HDAC7: variants seen among roughly 807,000 people sequenced by gnomAD.
HDAC7 encodes the protein histone deacetylase 7A.
In HDAC7, 26 loss-of-function variants were observed where a neutral mutation model predicts 115.5. The observed-to-expected ratio is 0.23, with a 90% CI of 0.16 to 0.31. The LOEUF is 0.31. HDAC7 is among the 10% of genes least tolerant of loss of function. HDAC7 has a pLI of 1.00. For missense variants in HDAC7, 1,068 were observed against 1,329.0 expected (o/e 0.80, Z 3.05); for synonymous variants, 564 against 550.9 (o/e 1.02, Z -0.33).
chr12:47,814,251 G>C (rs1282884965), intron 1 of HDAC7, among the ~76,000 whole-genome samples: 1 of 152,130 alleles, frequency 6.6e-6, no homozygotes, highest in Non-Finnish European at 1.5e-5. Context: ...CTTGAGCCCT[G>C]TCCTCTCTGG....
Position 47,816,039 on chromosome 12 carries a change from G to A in HDAC7, c.19+3728C>T, listed in dbSNP as rs189436352. Among the ~76,000 whole-genome samples, 220 of 151,858 alleles carry A rather than the reference G, an allele frequency of 1.4e-3. 1 individual carries two copies. The highest frequency in any genetic ancestry group is 4.6e-3 in the Admixed American group (70 of 15,248). The stretch of plus-strand genomic sequence containing the variant: ...CCCGAGTAGCTGGGATTACAGGCGC[G>A]CACGCCACACCTGGCTAATTTTTTG... On this transcript the variant is annotated intron_variant, in intron 1 of 25. Transcript: ENST00000080059.
At chr12:47,783,990 G>A (rs933012531) in intron 25 of HDAC7, 89 bp downstream of exon 25, 20 of 1,600,652 alleles carry the variant, frequency 1.2e-5, no homozygotes, top group Non-Finnish European at 1.7e-5. Flanking sequence ...GAGGGTTGGG[G>A]TGGCTGCATA....
Position 47,797,895 on chromosome 12 carries a change from T to TGTGTGTGTGTGTGTGA in HDAC7, c.461+212_461+213insTCACACACACACACAC, listed in dbSNP as rs35753431. The stretch of plus-strand genomic sequence containing the variant: ...GTGTGTGTGTGTGTGTGTGTGTGTG[T>TGTGTGTGTGTGTGTGA]GAGAAGGGCTCAGGTGGGGTGGGGA... On this transcript the variant is annotated intron_variant, in intron 5 of 25. Coordinates refer to ENST00000080059, the MANE Select transcript of HDAC7 (RefSeq NM_015401.5). This position sits in a 1 kb window ranked among gnomAD's most constrained non-coding sequence, Gnocchi z 5.5. 5.2e-3 allele frequency among the ~76,000 whole-genome samples: 748 copies of TGTGTGTGTGTGTGTGA among 143,374 alleles called. 11 individuals carry two copies. The highest frequency in any genetic ancestry group is 0.016 in the African/African-American group (587 of 36,438). The allele number at this position is 143,374 out of a possible 152,430, so 94.1% of individuals were successfully genotyped here. A position where few individuals can be genotyped will look rare whatever the true frequency, so the allele number is the denominator to read the frequency against.
intron 12 of HDAC7, among the ~76,000 whole-genome samples, chr12:47,794,189 C>T (rs1405503773): frequency 2.0e-5 from 3 of 152,152 alleles, no homozygotes; most frequent in Admixed American, 6.5e-5. Flanking sequence ...ATCCACAAGC[C>T]AAGGAGAGAG....
chr12:47,801,142 G>A (rs753185956), intron 2 of HDAC7, among the ~76,000 whole-genome samples: 3 of 152,146 alleles, frequency 2.0e-5, no homozygotes, highest in African/African-American at 4.8e-5. Flanking sequence ...CCCAGCCAGC[G>A]CCTAGCATCC....
In HDAC7 at chr12:47,797,454, G is replaced by A. The variant is rs1460217412; in HGVS notation, c.507C>T (p.Leu169=). 6.2e-7 allele frequency: 1 copy of A among 1,614,118 alleles called. No individual in the cohort carries two copies. Among genetic ancestry groups the A allele is most frequent in the South Asian group, 1.1e-5 (1 of 91,082 alleles). Residue 169 remains leucine, a synonymous_variant, in exon 6 of 26, where the codon CTC becomes CTT. Transcript: ENST00000080059. The surrounding 1 kb of genome is among the most constrained non-coding windows in gnomAD (Gnocchi z 5.5). ...TGGGAACAGGAGGCAAAAAGCTGCTGAGCATGGAGCGGGTGGCTCCTTCCG... is the reference window on the plus strand; with the variant it reads ...TGGGAACAGGAGGCAAAAAGCTGCTAAGCATGGAGCGGGTGGCTCCTTCCG... The part of the protein sequence containing the change: ...LETEGATRSM[L]SSFLPPVPSL...
rs549582422 is a variant in HDAC7 at position 47,792,081 on chromosome 12, C to T, written c.1679-77G>A. 12 of 1,480,770 alleles carry T rather than the reference C, an allele frequency of 8.1e-6. No homozygotes were observed. The East Asian group carries it at 2.9e-4, about 36-fold the overall frequency. The allele number at this position is 1,480,770 out of a possible 1,614,324, so 91.7% of individuals were successfully genotyped here. The stretch of plus-strand genomic sequence containing the variant: ...GCCTTGGCTGCAGAGAACACGCCAG[C>T]ACCGCCACAGCAGGCACCCACATGG... On this transcript the variant is annotated intron_variant, in intron 13 of 25. Coordinates refer to ENST00000080059, the MANE Select transcript of HDAC7 (RefSeq NM_015401.5).
At chr12:47,814,193 G>A (rs943985258) in intron 1 of HDAC7, among the ~76,000 whole-genome samples, 2 of 152,180 alleles carry the variant, frequency 1.3e-5, no homozygotes, top group African/African-American at 4.8e-5. Flanking sequence ...GGGCCATCTG[G>A]GCTCAGGTTT....
chr12:47,802,560 C>A, intron 1 of HDAC7: 1 of 1,275,064 alleles, frequency 7.8e-7, no homozygotes, highest in South Asian at 1.3e-5. Flanking sequence ...CTCAGCTCAC[C>A]CAGCAGTGCC....
chr12:47,791,789 A>AT, intron 14 of HDAC7, 82 bp downstream of exon 14: 1 of 1,563,498 alleles, frequency 6.4e-7, no homozygotes, highest in Admixed American at 1.8e-5. Context: ...CTCATCTCTC[A>AT]TGGGCCCCAG....
At position 47,791,668 on chromosome 12, in the gene HDAC7, C is replaced by A. The variant is rs546976196; in HGVS notation, c.1851G>T (p.Gln617His). The A allele has an allele frequency of 1.5e-5, 25 of 1,613,764 alleles. No individual in the cohort carries two copies. In the African/African-American group the frequency reaches 3.3e-4, roughly 22 times the overall value. Residue 617 changes from glutamine (Q) to histidine (H), a missense_variant, in exon 15 of 26, where the codon CAG becomes CAT. By Grantham distance (24) the Gln-to-His change is conservative. Coordinates refer to ENST00000080059, the MANE Select transcript of HDAC7 (RefSeq NM_015401.5). ...GCACGTGCCGCTCAGAGTGGACCGA[C>A]TGCAGCTCTTCCAGGGAGGCCTTCC... ...RGRKASLEEL[Q>H]SVHSERHVLL...
Position 47,797,291 on chromosome 12 carries a change from G to GGCCCCCCCCCCCCCCCC in HDAC7, c.577+92_577+93insGGGGGGGGGGGGGGGGC. ...AGCCTACCGATGATCTCCTGGCCCA[G>GGCCCCCCCCCCCCCCCC]CCCAGCCCGCCCACCCCTGCACACT... On this transcript the variant is annotated intron_variant, in intron 6 of 25. Transcript: ENST00000080059. This position sits in a 1 kb window ranked among gnomAD's most constrained non-coding sequence, Gnocchi z 5.5. 1 of 1,336,186 alleles carries GGCCCCCCCCCCCCCCCC rather than the reference G, an allele frequency of 7.5e-7. No individual in the cohort carries two copies. Among genetic ancestry groups the GGCCCCCCCCCCCCCCCC allele is most frequent in the African/African-American group, 1.5e-5 (1 of 68,676 alleles). The allele number at this position is 1,336,186 out of a possible 1,614,324, so 82.8% of individuals were successfully genotyped here. A position where few individuals can be genotyped will look rare whatever the true frequency, so the allele number is the denominator to read the frequency against.
At chr12:47,786,307 C>T (rs1943168921) in intron 22 of HDAC7, among the ~76,000 whole-genome samples, 2 of 152,214 alleles carry the variant, frequency 1.3e-5, no homozygotes, top group South Asian at 4.1e-4. Context: ...TGGGGAGTCC[C>T]ACGGCTGAGC....
At chr12:47,792,109 C>A in intron 13 of HDAC7, 105 bp from the exon 14 acceptor site, 1 of 1,376,592 alleles carries the variant, frequency 7.3e-7, no homozygotes. Context: ...CCACATGGAG[C>A]CGGGCGGGTA....
chr12:47,796,075 C>T (rs1943820521), intron 8 of HDAC7, 59 bp from the exon 9 acceptor site: 1 of 1,527,738 alleles, frequency 6.5e-7, no homozygotes, highest in African/African-American at 1.4e-5. Flanking sequence ...GGCGCACCTT[C>T]CCCAGAACAC....
At chr12:47,816,034 G>T (rs1384721513) in intron 1 of HDAC7, among the ~76,000 whole-genome samples, 1 of 151,832 alleles carries the variant, frequency 6.6e-6, no homozygotes, top group Non-Finnish European at 1.5e-5. Context: ...TGGGATTACA[G>T]GCGCGCACGC....
chr12:47,802,131 C>T lies in HDAC7; in HGVS notation c.70+93G>A, dbSNP rs1221766765. ...TCTGGCAGATCAGCCAGCGACCCTG[C>T]TTCTCTAACCCCTCAGCTTCTCGCG... On this transcript the variant is annotated intron_variant, in intron 2 of 25. Transcript: ENST00000080059. 5 of 1,362,228 alleles carry T rather than the reference C, an allele frequency of 3.7e-6. No individual in the cohort carries two copies. The African/African-American group carries it at 4.3e-5, about 12-fold the overall frequency. The allele number at this position is 1,362,228 out of a possible 1,614,324, so 84.4% of individuals were successfully genotyped here.
chr12:47,819,413 C>G (rs1190238507), intron 1 of HDAC7, among the ~76,000 whole-genome samples: 1 of 152,256 alleles, frequency 6.6e-6, no homozygotes, highest in Non-Finnish European at 1.5e-5. Context: ...TCGGCTCGTC[C>G]TCCCCGGGAA....
At chr12:47,788,309 G>T in intron 19 of HDAC7, 145 bp from the exon 20 acceptor site, 2 of 981,568 alleles carry the variant, frequency 2.0e-6, no homozygotes, top group Non-Finnish European at 2.9e-6. Flanking sequence ...CCACACGGTC[G>T]AGTGGCCCCA....
Sources: allele counts gnomAD v4.1 joint callset (sites outside exome capture counted in the v4.1 genomes callset), GRCh38; gene constraint gnomAD v4.1.1; non-coding constraint Gnocchi (gnomAD v3.1); transcripts MANE v1.5; gene names NCBI Gene and HGNC (gene_info 2026-07-23, HGNC 2026-07-21).